POLR3GL: variants seen among roughly 807,000 people sequenced by gnomAD.
The protein encoded by POLR3GL is RNA polymerase III subunit GL.
In POLR3GL, 26 loss-of-function variants were observed where a neutral mutation model predicts 32.4. That is an observed-to-expected ratio of 0.80 (90% confidence interval 0.59 to 1.11). POLR3GL has a LOEUF of 1.11. Among genes scored for constraint, POLR3GL ranks in the 50% most tolerant of loss-of-function variants. The pLI, the probability that POLR3GL is intolerant of heterozygous loss-of-function variation, is 0.00. For synonymous variants in POLR3GL, 95 were observed against 98.7 expected (o/e 0.96, Z 0.22); for missense variants, 229 against 280.1 (o/e 0.82, Z 1.30).
In POLR3GL at chr1:145,971,161, G is replaced by A. The variant is rs189282027; in HGVS notation, c.-41-3664G>A. On this transcript the variant is annotated intron_variant, in intron 1 of 7. Transcript: ENST00000369314. ...AGATCGCGCCATTGCACTCCAGCCG[G>A]GCAACAAGAGCGAAACTCCATCTCA... Among the ~76,000 whole-genome samples the A allele has an allele frequency of 3.7e-3, 472 of 126,284 alleles. 1 individual carries two copies. Among genetic ancestry groups the A allele is most frequent in the African/African-American group, 0.013 (386 of 30,368 alleles). 82.8% of individuals were successfully genotyped at this position (126,284 alleles called of 152,430 possible). A position where few individuals can be genotyped will look rare whatever the true frequency, so the allele number is the denominator to read the frequency against.
At chr1:145,972,016 G>T (rs1570994892) in intron 1 of POLR3GL, among the ~76,000 whole-genome samples, 1 of 132,680 alleles carries the variant, frequency 7.5e-6, no homozygotes, top group South Asian at 2.4e-4. Context: ...ATATATACGT[G>T]TGTGTGTGTG....
intron 2 of POLR3GL, 78 bp downstream of exon 2, chr1:145,975,069 A>G (rs1349439392): frequency 1.4e-6 from 2 of 1,476,490 alleles, no homozygotes; most frequent in African/African-American, 1.4e-5. Flanking sequence ...CTCCTGGACC[A>G]TCATAAAACC....
intron 4 of POLR3GL, 103 bp downstream of exon 4, chr1:145,977,255 C>A: frequency 9.6e-7 from 1 of 1,043,444 alleles, no homozygotes; most frequent in Non-Finnish European, 1.5e-6. Context: ...CCCGATCCAG[C>A]ATCTGCAAGC....
In POLR3GL at chr1:145,975,389, C is replaced by A. The variant is rs782589865; in HGVS notation, c.209C>A (p.Ala70Asp). 1.1e-5 allele frequency: 17 copies of A among 1,614,136 alleles called. No homozygotes were observed. In the South Asian group the frequency reaches 1.8e-4, roughly 17 times the overall value. ...VLALKQELRG[A>D]MRQLPYFIRP... is the part of the protein sequence containing the mutation. ...GCACTGAAGCAAGAGCTACGAGGAG[C>A]CATGAGGCAGCTCCCCTACTTCATC... The change falls in exon 3 of 8, where the codon GCC becomes GAC. Residue 70 changes from alanine to aspartate, a missense_variant. Coordinates refer to ENST00000369314, the MANE Select transcript of POLR3GL (RefSeq NM_032305.3).
intron 1 of POLR3GL, among the ~76,000 whole-genome samples, chr1:145,966,024 G>A (rs909112660): frequency 6.8e-6 from 1 of 147,974 alleles, no homozygotes; most frequent in Non-Finnish European, 1.5e-5. Flanking sequence ...GCTGAGGCAG[G>A]AGAATCATTA....
At chr1:145,977,177 C>T (rs781946710) in intron 4 of POLR3GL, 25 bp downstream of exon 4, 6 of 1,587,600 alleles carry the variant, frequency 3.8e-6, no homozygotes, top group Non-Finnish European at 4.3e-6. Flanking sequence ...CTTTCATTGA[C>T]TGCCCTTCTT....
intron 1 of POLR3GL, among the ~76,000 whole-genome samples, chr1:145,967,499 C>G (rs1306898310): frequency 6.6e-6 from 1 of 152,094 alleles, no homozygotes; most frequent in East Asian, 1.9e-4. Context: ...TGCCAGTTGC[C>G]TGTTCATGTC....
chr1:145,968,895 T>G (rs1335333121), intron 1 of POLR3GL, among the ~76,000 whole-genome samples: 1 of 151,854 alleles, frequency 6.6e-6, no homozygotes, highest in Non-Finnish European at 1.5e-5. Context: ...ATTTCTCTAG[T>G]CTCCATGAGA....
intron 3 of POLR3GL, among the ~76,000 whole-genome samples, chr1:145,976,430 T>G (rs1455138222): frequency 1.4e-5 from 2 of 141,608 alleles, no homozygotes; most frequent in East Asian, 4.3e-4. Flanking sequence ...TACAAAAAAA[T>G]TAGCCAGGCC....
chr1:145,978,155 G>A, intron 7 of POLR3GL, 59 bp downstream of exon 7: 1 of 1,559,868 alleles, frequency 6.4e-7, no homozygotes, highest in South Asian at 1.2e-5. Context: ...TACTAGGGTT[G>A]CTCTCCTCAG....
chr1:145,975,725 T>C (rs1650521931), intron 3 of POLR3GL, among the ~76,000 whole-genome samples: 1 of 152,154 alleles, frequency 6.6e-6, no homozygotes, highest in South Asian at 2.1e-4. Context: ...AAAATAGAGA[T>C]AGGGTGTCCT....
intron 1 of POLR3GL, among the ~76,000 whole-genome samples, chr1:145,974,223 A>C (rs1650449806): frequency 6.6e-6 from 1 of 152,252 alleles, no homozygotes; most frequent in African/African-American, 2.4e-5. Context: ...GTGCTCCCAC[A>C]GTGCCTGACA....
chr1:145,978,264 C>T (rs1650655235), intron 7 of POLR3GL, 97 bp from the exon 8 acceptor site: 4 of 1,304,816 alleles, frequency 3.1e-6, no homozygotes, highest in Admixed American at 3.8e-5. Flanking sequence ...AGAGATGTCT[C>T]AGGCCTGGAA....
intron 3 of POLR3GL, 90 bp downstream of exon 3, chr1:145,975,526 A>C: frequency 7.0e-7 from 1 of 1,436,878 alleles, no homozygotes; most frequent in Non-Finnish European, 9.7e-7. Flanking sequence ...GGGCACAGGA[A>C]GCATACTATC....
intron 1 of POLR3GL, among the ~76,000 whole-genome samples, chr1:145,969,745 C>T (rs186985804): frequency 8.6e-5 from 13 of 150,392 alleles, no homozygotes; most frequent in Non-Finnish European, 1.3e-4. Flanking sequence ...ATGGGAAAAC[C>T]CCCTCTCTAC....
At chr1:145,968,621 G>T (rs1650142377) in intron 1 of POLR3GL, among the ~76,000 whole-genome samples, 1 of 151,602 alleles carries the variant, frequency 6.6e-6, no homozygotes, top group Non-Finnish European at 1.5e-5. Flanking sequence ...GCCCAGGCTG[G>T]AGTGCAGTGG....
intron 1 of POLR3GL, among the ~76,000 whole-genome samples, chr1:145,970,696 A>C (rs587719611): frequency 6.7e-6 from 1 of 150,266 alleles, no homozygotes; most frequent in Non-Finnish European, 1.5e-5. Context: ...AGATGGTGAA[A>C]CCCCGTCTCT....
chr1:145,975,249 T>G, intron 2 of POLR3GL, 58 bp from the exon 3 acceptor site: 1 of 1,584,390 alleles, frequency 6.3e-7, no homozygotes, highest in Non-Finnish European at 8.6e-7. Context: ...AGGAGGGGTC[T>G]TCCTAAATTT....
At chr1:145,978,127 C>A in intron 7 of POLR3GL, 31 bp downstream of exon 7, 1 of 1,572,148 alleles carries the variant, frequency 6.4e-7, no homozygotes, top group African/African-American at 1.4e-5. Context: ...CTTAGTCCCC[C>A]TCCCTTTACC....
Sources: allele counts gnomAD v4.1 joint callset (sites outside exome capture counted in the v4.1 genomes callset), GRCh38; gene constraint gnomAD v4.1.1; transcripts MANE v1.5; gene names NCBI Gene and HGNC (gene_info 2026-07-23, HGNC 2026-07-21).